Variants in CLMN observed in about 807,000 individuals in gnomAD.
The protein encoded by CLMN is calmin (calponin-like, transmembrane).
A neutral mutation model predicts 92.7 loss-of-function variants in CLMN; 57 were observed. The ratio of observed to expected loss-of-function variants is 0.61; its 90% CI spans 0.50 to 0.77. The LOEUF is 0.77. Ranked by LOEUF, CLMN falls within the 30% of genes least tolerant of loss-of-function variation. The pLI is 0.00. For synonymous variants in CLMN, 466 were observed against 470.6 expected (o/e 0.99, Z 0.13); for missense variants, 1,158 against 1,237.5 (o/e 0.94, Z 0.96).
chr14:95,253,492 A>T lies in CLMN; in HGVS notation c.83-23359T>A, dbSNP rs552930441. On this transcript the variant is annotated intron_variant, in intron 1 of 12. Coordinates refer to ENST00000298912, the MANE Select transcript of CLMN (RefSeq NM_024734.4). ...TGACATCTTTAGCATCACAATTACA[A>T]ATATGGATCAAGTCTCGCATGCAGG... 9.2e-5 allele frequency among the ~76,000 whole-genome samples: 14 copies of T among 152,330 alleles called. No individual in the cohort carries two copies. In the South Asian group the frequency reaches 2.7e-3, roughly 29 times the overall value.
intron 1 of CLMN, among the ~76,000 whole-genome samples, chr14:95,299,651 G>A (rs1384262125): frequency 6.6e-5 from 10 of 152,148 alleles, no homozygotes; most frequent in Admixed American, 6.5e-4. Context: ...CTACAAAGAG[G>A]CAGAGCCAAG....
intron 1 of CLMN, among the ~76,000 whole-genome samples, chr14:95,254,250 C>T (rs1898906467): frequency 6.6e-6 from 1 of 152,202 alleles, no homozygotes. Flanking sequence ...GGCCACCCCC[C>T]AAGGTCAGCA....
At chr14:95,225,607 CA>C (rs1170207870) in intron 2 of CLMN, among the ~76,000 whole-genome samples, 2 of 152,230 alleles carry the variant, frequency 1.3e-5, no homozygotes, top group African/African-American at 4.8e-5. Flanking sequence ...GAGATGTCCT[CA>C]GCTGGCGGCC....
rs183147462 is a variant in CLMN at position 95,273,250 on chromosome 14, G to A, written c.83-43117C>T. 2.1e-3 allele frequency among the ~76,000 whole-genome samples: 314 copies of A among 152,292 alleles called. 3 individuals are homozygous for A. Among genetic ancestry groups the A allele is most frequent in the African/African-American group, 7.0e-3 (290 of 41,544 alleles). On this transcript the variant is annotated intron_variant, in intron 1 of 12. Coordinates refer to ENST00000298912, the MANE Select transcript of CLMN (RefSeq NM_024734.4). ...GAAGGCTTAGAGGCGACAGTGTGGA[G>A]AGTTGGGCTGTCTGGCCCAGGACCG...
chr14:95,213,209 T>C lies in CLMN; in HGVS notation c.608+10A>G. 1 of 1,612,678 alleles carries C rather than the reference T, an allele frequency of 6.2e-7. No homozygotes were observed. Among genetic ancestry groups the C allele is most frequent in the Non-Finnish European group, 8.5e-7 (1 of 1,179,440 alleles). ...AATGAAGTAGTGTGGGGAGAGGGGC[T>C]GCGGCTTACTTTCTCGTTTTCCTCT... On this transcript the variant is annotated intron_variant, in intron 6 of 12. Coordinates refer to ENST00000298912, the MANE Select transcript of CLMN (RefSeq NM_024734.4).
At chr14:95,314,532 AACCCTCT>A (rs1901679845) in intron 1 of CLMN, among the ~76,000 whole-genome samples, 3 of 152,154 alleles carry the variant, frequency 2.0e-5, no homozygotes, top group Admixed American at 1.3e-4. Flanking sequence ...CAGATAATCC[AACCCTCT>A]CATTTTGCAA....
intron 1 of CLMN, among the ~76,000 whole-genome samples, chr14:95,298,822 A>G (rs986933665): frequency 1.3e-5 from 2 of 152,172 alleles, no homozygotes; most frequent in African/African-American, 4.8e-5. Context: ...TTACAGAGGA[A>G]GAAAGGGAGT....
intron 1 of CLMN, among the ~76,000 whole-genome samples, chr14:95,284,496 C>T (rs926618585): frequency 2.0e-5 from 3 of 152,192 alleles, no homozygotes; most frequent in Admixed American, 1.3e-4. Flanking sequence ...CACTCAACAC[C>T]AGCATGTGAA....
intron 4 of CLMN, among the ~76,000 whole-genome samples, chr14:95,218,840 C>T (rs1214491185): frequency 6.6e-6 from 1 of 152,226 alleles, no homozygotes; most frequent in African/African-American, 2.4e-5. Context: ...TGTTCCTTGA[C>T]TTTAAGGCAG....
At chr14:95,305,297 ACTAG>A (rs1307353186) in intron 1 of CLMN, among the ~76,000 whole-genome samples, 1 of 152,198 alleles carries the variant, frequency 6.6e-6, no homozygotes, top group East Asian at 1.9e-4. Context: ...AGGATTCCCA[ACTAG>A]CCATTTGGCT....
At chr14:95,286,856 G>A (rs1737787661) in intron 1 of CLMN, among the ~76,000 whole-genome samples, 1 of 152,186 alleles carries the variant, frequency 6.6e-6, no homozygotes, top group Non-Finnish European at 1.5e-5. Flanking sequence ...CAACACCTGT[G>A]TGTGCCAGCC....
chr14:95,194,628 C>T lies in CLMN; in HGVS notation c.2709-32G>A, dbSNP rs1896651013. ...AACAAACACATGTTTTGAATTGGTACCACCTGGAGCTCTTCATGGCTCAGT... is the reference window on the plus strand; with the variant it reads ...AACAAACACATGTTTTGAATTGGTATCACCTGGAGCTCTTCATGGCTCAGT... On this transcript the variant is annotated intron_variant, in intron 10 of 12. Coordinates refer to ENST00000298912, the MANE Select transcript of CLMN (RefSeq NM_024734.4). This position sits in a 1 kb window ranked among gnomAD's most constrained non-coding sequence, Gnocchi z 4.0. The T allele has an allele frequency of 1.9e-6, 3 of 1,605,550 alleles. No homozygotes were observed. Among genetic ancestry groups the T allele is most frequent in the African/African-American group, 1.3e-5 (1 of 74,912 alleles).
intron 2 of CLMN, among the ~76,000 whole-genome samples, chr14:95,224,318 T>C (rs934733458): frequency 1.3e-5 from 2 of 152,186 alleles, no homozygotes; most frequent in African/African-American, 4.8e-5. Context: ...TCACGCTCTG[T>C]CGCCCAGGCT....
At chr14:95,224,908 G>A (rs1156772465) in intron 2 of CLMN, among the ~76,000 whole-genome samples, 1 of 152,150 alleles carries the variant, frequency 6.6e-6, no homozygotes, top group East Asian at 1.9e-4. Context: ...GCCAGGAAAG[G>A]GGGCTGGTGT....
chr14:95,207,305 A>T (rs1042700651), intron 8 of CLMN, among the ~76,000 whole-genome samples: 6 of 152,210 alleles, frequency 3.9e-5, no homozygotes, highest in Non-Finnish European at 7.3e-5. Flanking sequence ...GTAGAAAAGA[A>T]AATGGGGTCT....
chr14:95,215,815 C>CTGTG lies in CLMN; in HGVS notation c.325-86_325-83dup, dbSNP rs57063101. 4,627 of 569,998 alleles carry CTGTG rather than the reference C, an allele frequency of 8.1e-3. 12 individuals are homozygous for CTGTG. Among genetic ancestry groups the CTGTG allele is most frequent in the Admixed American group, 0.013 (458 of 35,370 alleles). 35.3% of individuals were successfully genotyped at this position (569,998 alleles called of 1,614,324 possible). On this transcript the variant is annotated intron_variant, in intron 4 of 12. Transcript: ENST00000298912. ...TTATTTTCTGGTTCTCTCTCTCTCT[C>CTGTG]TGTGTGTGTGTGTGTGTGTGTGTGT...
chr14:95,279,905 G>T (rs901568289), intron 1 of CLMN, among the ~76,000 whole-genome samples: 2 of 151,898 alleles, frequency 1.3e-5, no homozygotes, highest in Non-Finnish European at 2.9e-5. Flanking sequence ...AGTTTTACAT[G>T]CAAGGTGTAT....
intron 1 of CLMN, among the ~76,000 whole-genome samples, chr14:95,305,735 G>A (rs1473733909): frequency 6.6e-6 from 1 of 152,132 alleles, no homozygotes; most frequent in African/African-American, 2.4e-5. Context: ...CAGCACCAAC[G>A]CAGGTCACCT....
At position 95,291,636 on chromosome 14, in the gene CLMN, G is replaced by A. The variant is rs185817065; in HGVS notation, c.82+28075C>T. 2.5e-4 allele frequency among the ~76,000 whole-genome samples: 38 copies of A among 152,292 alleles called. 1 individual carries two copies. In the South Asian group the frequency reaches 5.0e-3, roughly 20 times the overall value. Reference sequence around the variant, plus strand: ...CCTCCTCCTTAAAAGTGAGCTGAGCGTACGTTATTCAGAGCCCCATAGATA... The same window carrying A: ...CCTCCTCCTTAAAAGTGAGCTGAGCATACGTTATTCAGAGCCCCATAGATA... On this transcript the variant is annotated intron_variant, in intron 1 of 12. Coordinates refer to ENST00000298912, the MANE Select transcript of CLMN (RefSeq NM_024734.4).
Sources: gnomAD v4.1 joint callset for allele counts (sites outside exome capture counted in the v4.1 genomes callset) on GRCh38, gnomAD v4.1.1 for gene constraint, Gnocchi (gnomAD v3.1) non-coding constraint, MANE v1.5 for transcripts, NCBI Gene and HGNC (gene_info 2026-07-23, HGNC 2026-07-21) for gene names.